The following RBFOX1 variants were observed in gnomAD, a reference collection of about 807,000 sequenced individuals.
RBFOX1 encodes the protein RNA binding protein fox-1 homolog 1.
In RBFOX1, 8 loss-of-function variants were observed where a neutral mutation model predicts 57.7. That is an observed-to-expected ratio of 0.14 (90% confidence interval 0.08 to 0.25). The LOEUF (loss-of-function observed/expected upper bound fraction) is 0.25, where lower values mean the gene tolerates loss of function less well. Ranked by LOEUF, RBFOX1 falls within the 10% of genes least tolerant of loss-of-function variation. The pLI, the probability that RBFOX1 is intolerant of heterozygous loss-of-function variation, is 1.00. For missense variants in RBFOX1, 611 were observed against 548.5 expected, an observed-to-expected ratio of 1.11 and a Z score of -1.14; for synonymous variants, 326 against 222.4, an observed-to-expected ratio of 1.47 and a Z score of -4.15.
intron 2 of RBFOX1, among the ~76,000 whole-genome samples, chr16:6,638,337 G>T (rs182151955): frequency 6.6e-6 from 1 of 152,012 alleles, no homozygotes; most frequent in Non-Finnish European, 1.5e-5. Context: ...CTGGTAAATC[G>T]CATGGCAAAA....
At chr16:5,464,100 G>A (rs1455499329) in intron 1 of RBFOX1, among the ~76,000 whole-genome samples, 1 of 152,212 alleles carries the variant, frequency 6.6e-6, no homozygotes, top group Non-Finnish European at 1.5e-5. Flanking sequence ...GGGAGAACGG[G>A]GATGCCTTCT....
chr16:5,943,488 G>C (rs980396729), intron 4 of RBFOX1, among the ~76,000 whole-genome samples: 1 of 152,158 alleles, frequency 6.6e-6, no homozygotes, highest in East Asian at 1.9e-4. Flanking sequence ...TAGACCACAG[G>C]GTTAACTGAA....
At chr16:7,084,693 A>C (rs1413982958) in intron 4 of RBFOX1, among the ~76,000 whole-genome samples, 1 of 152,218 alleles carries the variant, frequency 6.6e-6, no homozygotes, top group Non-Finnish European at 1.5e-5. Context: ...GCCCTAAGTG[A>C]AATGAGGTTT....
chr16:6,889,445 A>G (rs923288487), intron 3 of RBFOX1, among the ~76,000 whole-genome samples: 24 of 152,234 alleles, frequency 1.6e-4, no homozygotes, highest in Admixed American at 1.2e-3. Context: ...AGAACGTGGA[A>G]CAGATAACTT....
intron 4 of RBFOX1, among the ~76,000 whole-genome samples, chr16:7,342,533 G>A (rs1381304772): frequency 1.3e-5 from 2 of 152,200 alleles, no homozygotes; most frequent in Non-Finnish European, 2.9e-5. Flanking sequence ...GATTTCTGGA[G>A]TTATTGAATG....
Position 5,868,856 on chromosome 16 carries a change from C to T in RBFOX1, c.351+1521C>T, listed in dbSNP as rs375641108. On this transcript the variant is annotated intron_variant, in intron 4 of 19. Coordinates refer to the RBFOX1 transcript ENST00000641259. ...GCTGTCGAGAGCATTAAAATGGCAA[C>T]GGCAGTGTTTCCTCTGGTGGTTTGC... is the stretch of plus-strand genomic sequence containing the variant. Among the ~76,000 whole-genome samples the T allele has an allele frequency of 8.2e-4, 125 of 152,316 alleles. No individual in the cohort carries two copies. The Middle Eastern group carries it at 0.014, about 17-fold the overall frequency.
intron 4 of RBFOX1, among the ~76,000 whole-genome samples, chr16:7,082,794 A>C (rs1370354635): frequency 6.6e-6 from 1 of 152,206 alleles, no homozygotes; most frequent in Admixed American, 6.5e-5. Context: ...CAGAGAGGCC[A>C]CCAGTAGCTT....
At chr16:6,837,997 A>G (rs914685160) in intron 3 of RBFOX1, among the ~76,000 whole-genome samples, 1 of 139,692 alleles carries the variant, frequency 7.2e-6, no homozygotes, top group South Asian at 2.3e-4. Flanking sequence ...AATACTGGGA[A>G]GTTACCACCC....
chr16:7,245,673 T>C (rs190357839), intron 4 of RBFOX1, among the ~76,000 whole-genome samples: 2 of 152,354 alleles, frequency 1.3e-5, no homozygotes, highest in African/African-American at 4.8e-5. Context: ...ATGTTTTTGT[T>C]TGTTTGTTTG....
intron 2 of RBFOX1, among the ~76,000 whole-genome samples, chr16:6,600,132 C>G (rs2097833343): frequency 6.6e-6 from 1 of 152,110 alleles, no homozygotes; most frequent in South Asian, 2.1e-4. Flanking sequence ...CTTACCAGAC[C>G]CATCACCCAA....
intron 4 of RBFOX1, among the ~76,000 whole-genome samples, chr16:7,490,643 G>A (rs1156707612): frequency 6.6e-6 from 1 of 152,204 alleles, no homozygotes; most frequent in Non-Finnish European, 1.5e-5. Flanking sequence ...GAACCATGAG[G>A]AAGAAAACAG....
chr16:7,153,380 C>A (rs1312917087), intron 4 of RBFOX1, among the ~76,000 whole-genome samples: 1 of 152,072 alleles, frequency 6.6e-6, no homozygotes, highest in East Asian at 1.9e-4. Context: ...TTTAGTCTTT[C>A]CTTCCTGTCC....
rs565943069 is a variant in RBFOX1, at chr16:6,616,381, G to T, written c.-63-38222G>T. Among the ~76,000 whole-genome samples, 399 of 142,688 alleles carry T rather than the reference G, an allele frequency of 2.8e-3. 2 individuals carry two copies. The highest frequency in any genetic ancestry group is 0.018 in the Middle Eastern group (5 of 272). The allele number at this position is 142,688 out of a possible 152,430, so 93.6% of individuals were successfully genotyped here. The stretch of plus-strand genomic sequence containing the variant: ...GACTCAAATACAGTAAAAATGTTTG[G>T]TTTTTTTTTTTTTGGCCAGGCGTGA... On this transcript the variant is annotated intron_variant, in intron 2 of 15. Coordinates refer to ENST00000550418, the MANE Select transcript of RBFOX1 (RefSeq NM_018723.4).
intron 4 of RBFOX1, among the ~76,000 whole-genome samples, chr16:7,090,457 T>G (rs2060640738): frequency 6.6e-6 from 1 of 152,142 alleles, no homozygotes; most frequent in African/African-American, 2.4e-5. Context: ...ATTTGAAAGG[T>G]AAAGAAATGC....
At chr16:5,527,291 C>T (rs569935560) in intron 2 of RBFOX1, among the ~76,000 whole-genome samples, 1 of 152,290 alleles carries the variant, frequency 6.6e-6, no homozygotes, top group South Asian at 2.1e-4. Context: ...CACAAGGAAG[C>T]TGCTTGTACA....
At chr16:6,445,188 A>C (rs2094459740) in intron 2 of RBFOX1, among the ~76,000 whole-genome samples, 1 of 152,180 alleles carries the variant, frequency 6.6e-6, no homozygotes, top group East Asian at 1.9e-4. Flanking sequence ...AAGAGAGAAC[A>C]GACTGCAGAA....
At chr16:5,417,037 GAAC>G (rs1224872855) in intron 1 of RBFOX1, among the ~76,000 whole-genome samples, 1 of 152,136 alleles carries the variant, frequency 6.6e-6, no homozygotes, top group African/African-American at 2.4e-5. Flanking sequence ...AGATTCAGTA[GAAC>G]AACAACAATA....
intron 3 of RBFOX1, among the ~76,000 whole-genome samples, chr16:6,802,323 C>G (rs1392150879): frequency 1.3e-5 from 2 of 152,116 alleles, no homozygotes; most frequent in East Asian, 1.9e-4. Context: ...TTGTGCTTCT[C>G]TGGGAATTTC....
chr16:6,211,447 C>G (rs2152852666), intron 1 of RBFOX1, among the ~76,000 whole-genome samples: 1 of 152,156 alleles, frequency 6.6e-6, no homozygotes, highest in South Asian at 2.1e-4. Flanking sequence ...CCAGGATGGT[C>G]TTGATCTCCT....
Sources: gnomAD v4.1 joint callset for allele counts (sites outside exome capture counted in the v4.1 genomes callset) on GRCh38, gnomAD v4.1.1 for gene constraint, MANE v1.5 for transcripts, NCBI Gene and HGNC (gene_info 2026-07-23, HGNC 2026-07-21) for gene names.